The following GGPS1 variants were observed in gnomAD, a reference collection of about 807,000 sequenced individuals.
GGPS1 encodes the protein geranylgeranyl diphosphate synthase 1, also known as geranylgeranyl pyrophosphate synthase.
A neutral mutation model predicts 28.1 loss-of-function variants in GGPS1; 15 were observed. That is an observed-to-expected ratio of 0.53 (90% CI 0.36 to 0.82). The LOEUF is 0.82. GGPS1 is among the 40% of genes least tolerant of loss of function. GGPS1 has a pLI of 0.01. For synonymous variants in GGPS1, 138 were observed against 122.4 expected (o/e 1.13, Z -0.84); for missense variants, 284 against 348.3 (o/e 0.82, Z 1.47).
chr1:235,343,121 T>C lies in GGPS1; in HGVS notation c.*349T>C, dbSNP rs1349435155. On this transcript the variant is annotated 3_prime_UTR_variant, in exon 4 of 4. Coordinates refer to ENST00000282841, the MANE Select transcript of GGPS1 (RefSeq NM_004837.4). ...AATTTTTATCCATACACTTTCTAAC[T>C]GTACTATCTGGGCAGTTCCAAGCCA... is the stretch of plus-strand genomic sequence containing the variant. 5.5e-6 allele frequency: 1 copy of C among 181,504 alleles called. No individual in the cohort carries two copies. The highest frequency in any genetic ancestry group is 1.3e-5 in the Non-Finnish European group (1 of 78,016). 11.2% of individuals were successfully genotyped at this position (181,504 alleles called of 1,614,324 possible).
chr1:235,333,584 A>AT (rs1675782268), intron 1 of GGPS1, among the ~76,000 whole-genome samples: 1 of 151,900 alleles, frequency 6.6e-6, no homozygotes, highest in Admixed American at 6.6e-5. Flanking sequence ...AAAAAACAAA[A>AT]GGACCTTTGA....
intron 3 of GGPS1, 91 bp from the exon 4 acceptor site, chr1:235,341,920 A>G (rs1676056128): frequency 2.1e-6 from 2 of 939,958 alleles, no homozygotes; most frequent in Admixed American, 2.6e-5. Flanking sequence ...AGTTGTGAAA[A>G]TTAACACACC....
Position 235,342,506 on chromosome 1 carries a change from T to C in GGPS1, c.637T>C (p.Phe213Leu). ...TTGTGAAGATCTGACAGAGGGAAAG[T>C]TCTCATTTCCTACTATTCATGCTAT... ...SFCEDLTEGK[F>L]SFPTIHAIWS... Residue 213 changes from phenylalanine to leucine, a missense_variant, in exon 4 of 4, where the codon TTC becomes CTC. Physicochemically the swap from Phe to Leu is conservative, Grantham distance 22 (BLOSUM62 0). Transcript: ENST00000282841. 1 of 1,613,706 alleles carries C rather than the reference T, an allele frequency of 6.2e-7. No individual in the cohort carries two copies. The highest frequency in any genetic ancestry group is 8.5e-7 in the Non-Finnish European group (1 of 1,179,770).
chr1:235,334,719 C>G (rs998504178), intron 1 of GGPS1, among the ~76,000 whole-genome samples: 8 of 152,152 alleles, frequency 5.3e-5, no homozygotes, highest in African/African-American at 4.8e-5. Context: ...AACATGTTTT[C>G]AAGGCTTCAT....
intron 2 of GGPS1, among the ~76,000 whole-genome samples, chr1:235,336,246 C>G (rs1000185772): frequency 3.9e-4 from 59 of 152,234 alleles, no homozygotes; most frequent in African/African-American, 1.4e-3. Context: ...CAAAAGTTAG[C>G]TGGGCATGGT....
At position 235,342,939 on chromosome 1, in the gene GGPS1, A is replaced by G. The variant is rs183183712; in HGVS notation, c.*167A>G. The G allele has an allele frequency of 4.0e-4, 190 of 469,380 alleles. 2 individuals carry two copies. In the South Asian group the frequency reaches 4.7e-3, roughly 12 times the overall value. The allele number at this position is 469,380 out of a possible 1,614,324, so 29.1% of individuals were successfully genotyped here. On this transcript the variant is annotated 3_prime_UTR_variant, in exon 4 of 4. Transcript: ENST00000282841. ...TTCATTTAGAAGCCCCTCTGTACAGATAATCAAAATTCAAAGTTGAAAGAA... is the reference window on the plus strand; with the variant it reads ...TTCATTTAGAAGCCCCTCTGTACAGGTAATCAAAATTCAAAGTTGAAAGAA...
At chr1:235,332,554 T>A (rs1361419757) in intron 1 of GGPS1, among the ~76,000 whole-genome samples, 2 of 152,212 alleles carry the variant, frequency 1.3e-5, no homozygotes, top group African/African-American at 4.8e-5. Flanking sequence ...GAAATTTTAC[T>A]TTTGTGGCAC....
chr1:235,337,304 A>G lies in GGPS1; in HGVS notation c.70+1970A>G, dbSNP rs1029971020. Among the ~76,000 whole-genome samples the G allele has an allele frequency of 2.6e-5, 4 of 152,226 alleles. No homozygotes were observed. In the East Asian group the frequency reaches 5.8e-4, roughly 22 times the overall value. The stretch of plus-strand genomic sequence containing the variant: ...CAGTTACATTTTAACCATAATGCTT[A>G]CTTATGCTGTGACCACCTTCTGTGA... On this transcript the variant is annotated intron_variant, in intron 2 of 3. Transcript: ENST00000282841.
At chr1:235,338,184 C>A (rs534094865) in intron 2 of GGPS1, among the ~76,000 whole-genome samples, 1 of 152,212 alleles carries the variant, frequency 6.6e-6, no homozygotes, top group East Asian at 1.9e-4. Flanking sequence ...AGTTCAAGAC[C>A]AGCCTGGGCA....
In GGPS1 at chr1:235,342,808, T is replaced by G; in HGVS notation, c.*36T>G. The stretch of plus-strand genomic sequence containing the variant: ...TTCTTGATTGGACCTCATAGCTTAT[T>G]TTAGTTAATCTTTTTTTTGTCTTTT... On this transcript the variant is annotated 3_prime_UTR_variant, in exon 4 of 4. Coordinates refer to ENST00000282841, the MANE Select transcript of GGPS1 (RefSeq NM_004837.4). 7.1e-7 allele frequency: 1 copy of G among 1,414,146 alleles called. No individual in the cohort carries two copies. Among genetic ancestry groups the G allele is most frequent in the East Asian group, 2.3e-5 (1 of 43,544 alleles). 87.6% of individuals were successfully genotyped at this position (1,414,146 alleles called of 1,614,324 possible).
At chr1:235,337,293 C>T (rs1333881693) in intron 2 of GGPS1, among the ~76,000 whole-genome samples, 1 of 152,170 alleles carries the variant, frequency 6.6e-6, no homozygotes, top group East Asian at 1.9e-4. Context: ...TACATTTTAA[C>T]CATAATGCTT....
intron 1 of GGPS1, among the ~76,000 whole-genome samples, chr1:235,331,414 G>A (rs186839031): frequency 1.3e-5 from 2 of 152,304 alleles, no homozygotes; most frequent in Admixed American, 1.3e-4. Flanking sequence ...TCAATAAAGA[G>A]TTAAGCTAGT....
chr1:235,338,880 T>C (rs1010746713), intron 2 of GGPS1, among the ~76,000 whole-genome samples: 3 of 151,396 alleles, frequency 2.0e-5, no homozygotes, highest in South Asian at 2.1e-4. Flanking sequence ...ATAATAATAA[T>C]AGGCCGGGCG....
rs1366651616 is a variant in GGPS1, at chr1:235,342,880, A to C, written c.*108A>C. ...ATTTGTTATTCTCCAGAAACAGTAA[A>C]TAGGTGAGTAGGGGTGGTGCAAGTG... On this transcript the variant is annotated 3_prime_UTR_variant, in exon 4 of 4. Transcript: ENST00000282841. 1 of 689,850 alleles carries C rather than the reference A, an allele frequency of 1.4e-6. No individual in the cohort carries two copies. Among genetic ancestry groups the C allele is most frequent in the Non-Finnish European group, 2.5e-6 (1 of 407,966 alleles). 42.7% of individuals were successfully genotyped at this position (689,850 alleles called of 1,614,324 possible).
At chr1:235,340,518 C>T (rs1479914579) in intron 2 of GGPS1, among the ~76,000 whole-genome samples, 1 of 150,574 alleles carries the variant, frequency 6.6e-6, no homozygotes, top group Non-Finnish European at 1.5e-5. Context: ...GGGCGGATCA[C>T]GAGGTCAGGA....
At chr1:235,334,099 T>C (rs1675798976) in intron 1 of GGPS1, among the ~76,000 whole-genome samples, 1 of 152,196 alleles carries the variant, frequency 6.6e-6, no homozygotes, top group South Asian at 2.1e-4. Context: ...TTAATAAATA[T>C]ATGCATTTGA....
chr1:235,341,960 G>T, intron 3 of GGPS1, 51 bp from the exon 4 acceptor site: 1 of 1,157,168 alleles, frequency 8.6e-7, no homozygotes, highest in Non-Finnish European at 1.2e-6. Flanking sequence ...TAATTAAACT[G>T]AGTAAGTTTT....
At chr1:235,337,129 T>TA (rs1675891851) in intron 2 of GGPS1, 1 of 157,320 alleles carries the variant, frequency 6.4e-6, no homozygotes, top group African/African-American at 2.4e-5. Context: ...ACCCAGCTCT[T>TA]ACTGCCAGAC....
chr1:235,340,953 T>C (rs1676025050), intron 2 of GGPS1, among the ~76,000 whole-genome samples: 1 of 152,146 alleles, frequency 6.6e-6, no homozygotes, highest in Admixed American at 6.6e-5. Context: ...TCAAGAGGTA[T>C]TTTTATGAGG....
Sources: gnomAD v4.1 joint callset for allele counts (sites outside exome capture counted in the v4.1 genomes callset) on GRCh38, gnomAD v4.1.1 for gene constraint, MANE v1.5 for transcripts, NCBI Gene and HGNC (gene_info 2026-07-23, HGNC 2026-07-21) for gene names.